The following CHCHD3 variants were observed in gnomAD, a reference collection of about 807,000 sequenced individuals.
The protein encoded by CHCHD3 is MICOS complex subunit MIC19.
Under a neutral mutation model 38.2 loss-of-function variants are expected in CHCHD3, and 20 were observed. The ratio of observed to expected loss-of-function variants is 0.52; its 90% CI spans 0.37 to 0.76. The LOEUF is 0.76. Ranked by LOEUF, CHCHD3 falls within the 30% of genes least tolerant of loss-of-function variation. The probability of loss-of-function intolerance (pLI) is 0.00; values close to 1 mark genes in which losing one functional copy is unlikely to be tolerated. For synonymous variants in CHCHD3, 82 were observed against 100.0 expected (o/e 0.82, Z 1.07); for missense variants, 245 against 279.2 (o/e 0.88, Z 0.87).
chr7:132,944,572 T>C (rs1810850932), intron 4 of CHCHD3, among the ~76,000 whole-genome samples: 2 of 151,974 alleles, frequency 1.3e-5, no homozygotes, highest in African/African-American at 4.8e-5. Flanking sequence ...TACATTTTTA[T>C]TGCTGTAAAA....
Position 132,985,439 on chromosome 7 carries a change from G to A in CHCHD3, c.252-10153C>T, listed in dbSNP as rs1812080325. 3.1e-5 allele frequency among the ~76,000 whole-genome samples: 2 copies of A among 64,940 alleles called. 1 individual carries two copies. The highest frequency in any genetic ancestry group is 1.1e-4 in the African/African-American group (2 of 17,610). The allele number at this position is 64,940 out of a possible 152,430, so 42.6% of individuals were successfully genotyped here. A position where few individuals can be genotyped will look rare whatever the true frequency, so the allele number is the denominator to read the frequency against. On this transcript the variant is annotated intron_variant, in intron 3 of 7. Transcript: ENST00000262570. ...GGGAGGTGAGGGGCGCCTCTGCCCGGCCGCCCCTACTGGGAAGAGAGGAGC... is the reference window on the plus strand; with the variant it reads ...GGGAGGTGAGGGGCGCCTCTGCCCGACCGCCCCTACTGGGAAGAGAGGAGC...
chr7:132,802,133 A>AC (rs1806808955), intron 6 of CHCHD3, among the ~76,000 whole-genome samples: 1 of 152,206 alleles, frequency 6.6e-6, no homozygotes, highest in Non-Finnish European at 1.5e-5. Context: ...AGGTGAGCAA[A>AC]CAACTTTTCA....
chr7:132,962,629 G>C (rs1176325653), intron 4 of CHCHD3, among the ~76,000 whole-genome samples: 2 of 152,064 alleles, frequency 1.3e-5, no homozygotes, highest in Non-Finnish European at 1.5e-5. Flanking sequence ...TTGAAGATAC[G>C]GGATCTATAC....
At chr7:132,897,489 AT>A (rs1809530117) in intron 4 of CHCHD3, among the ~76,000 whole-genome samples, 1 of 152,176 alleles carries the variant, frequency 6.6e-6, no homozygotes, top group Non-Finnish European at 1.5e-5. Context: ...CACTCAGTTC[AT>A]TTTCTAGGAA....
chr7:133,066,524 G>T lies in CHCHD3; in HGVS notation c.169+3618C>A, dbSNP rs146659464. 3.8e-4 allele frequency among the ~76,000 whole-genome samples: 58 copies of T among 152,168 alleles called. 1 individual carries two copies. In the East Asian group the frequency reaches 6.8e-3, roughly 18 times the overall value. ...CCCACCTCAGCCTCTCAAAGTGATG[G>T]GATTACAGGCATGAGCCACCAAGCC... On this transcript the variant is annotated intron_variant, in intron 2 of 7. Coordinates refer to ENST00000262570, the MANE Select transcript of CHCHD3 (RefSeq NM_017812.4).
intron 3 of CHCHD3, among the ~76,000 whole-genome samples, chr7:133,016,698 A>G (rs1252936266): frequency 6.6e-6 from 1 of 152,210 alleles, no homozygotes; most frequent in Non-Finnish European, 1.5e-5. Flanking sequence ...TGGCAAAGCT[A>G]TGGAGGTCAG....
chr7:132,785,913 C>T (rs1386680680), intron 7 of CHCHD3, among the ~76,000 whole-genome samples: 2 of 152,212 alleles, frequency 1.3e-5, no homozygotes, highest in African/African-American at 2.4e-5. Context: ...CGCAGTAGCT[C>T]ACGCCTGTAA....
intron 5 of CHCHD3, among the ~76,000 whole-genome samples, chr7:132,873,883 T>A (rs1341260865): frequency 6.6e-6 from 1 of 152,282 alleles, no homozygotes; most frequent in East Asian, 1.9e-4. Context: ...ATTACACTGA[T>A]GTTTAATTTT....
chr7:132,809,872 A>T (rs1807023993), intron 6 of CHCHD3, among the ~76,000 whole-genome samples: 1 of 152,246 alleles, frequency 6.6e-6, no homozygotes, highest in Admixed American at 6.5e-5. Context: ...ATAGGAACTA[A>T]ATTCATTTCA....
chr7:132,966,547 G>C (rs1452779513), intron 4 of CHCHD3, among the ~76,000 whole-genome samples: 2 of 152,186 alleles, frequency 1.3e-5, no homozygotes, highest in Admixed American at 6.5e-5. Context: ...AGGCGTCATT[G>C]CACATGGTAT....
At chr7:132,966,664 G>GT (rs1811472017) in intron 4 of CHCHD3, among the ~76,000 whole-genome samples, 1 of 152,200 alleles carries the variant, frequency 6.6e-6, no homozygotes, top group Non-Finnish European at 1.5e-5. Flanking sequence ...CACAAGAACT[G>GT]TATCAGAACT....
chr7:133,028,973 C>A (rs1388554994), intron 2 of CHCHD3, among the ~76,000 whole-genome samples: 2 of 151,944 alleles, frequency 1.3e-5, no homozygotes, highest in Non-Finnish European at 2.9e-5. Context: ...CCCCGCATGA[C>A]CTAGGGATTC....
At chr7:132,963,376 A>T (rs1364526700) in intron 4 of CHCHD3, among the ~76,000 whole-genome samples, 1 of 130,560 alleles carries the variant, frequency 7.7e-6, no homozygotes, top group African/African-American at 2.9e-5. Flanking sequence ...TCACGCCTAT[A>T]ATCCCAGCAC....
chr7:132,805,779 G>C (rs1287433679), intron 6 of CHCHD3, among the ~76,000 whole-genome samples: 1 of 152,194 alleles, frequency 6.6e-6, no homozygotes, highest in African/African-American at 2.4e-5. Flanking sequence ...CAAGAATGGA[G>C]GCATGGAAAG....
At chr7:132,796,319 G>C in intron 7 of CHCHD3, 123 bp downstream of exon 7, 9 of 1,026,320 alleles carry the variant, frequency 8.8e-6, no homozygotes, top group Non-Finnish European at 1.0e-5. Context: ...AATTCTTGAT[G>C]ATGATGACTA....
intron 2 of CHCHD3, among the ~76,000 whole-genome samples, chr7:133,056,395 A>C (rs867437928): frequency 5.3e-5 from 8 of 152,138 alleles, no homozygotes; most frequent in Middle Eastern, 3.4e-3. Flanking sequence ...CCCCACCACC[A>C]ATTCCATCAT....
intron 3 of CHCHD3, among the ~76,000 whole-genome samples, chr7:132,990,951 T>TACACACACAC (rs768136991): frequency 0.026 from 3,766 of 143,746 alleles, 69 homozygotes; most frequent in African/African-American, 0.049. Context: ...CAGACACACA[T>TACACACACAC]ACACACACAC....
At chr7:133,010,625 C>A (rs1272407877) in intron 3 of CHCHD3, among the ~76,000 whole-genome samples, 1 of 152,094 alleles carries the variant, frequency 6.6e-6, no homozygotes, top group African/African-American at 2.4e-5. Flanking sequence ...GTCACCCAGG[C>A]TAAAGTGCAG....
chr7:133,001,558 A>AGTCT (rs1340515469), intron 3 of CHCHD3, among the ~76,000 whole-genome samples: 2 of 152,230 alleles, frequency 1.3e-5, no homozygotes, highest in Non-Finnish European at 2.9e-5. Context: ...TAAGAAAAAA[A>AGTCT]GTCTTCTTAT....
Sources: gnomAD v4.1 joint callset for allele counts (sites outside exome capture counted in the v4.1 genomes callset) on GRCh38, gnomAD v4.1.1 for gene constraint, MANE v1.5 for transcripts, NCBI Gene and HGNC (gene_info 2026-07-23, HGNC 2026-07-21) for gene names.